PLK2: variants seen among roughly 807,000 people sequenced by gnomAD.
The protein encoded by PLK2 is polo like kinase 2.
PLK2 carries 25 observed loss-of-function variants against 78.1 expected under a neutral mutation model. That is an observed-to-expected ratio of 0.32 (90% confidence interval 0.23 to 0.45). PLK2 has a LOEUF of 0.45. PLK2 is among the 20% of genes least tolerant of loss of function. The probability of loss-of-function intolerance (pLI) is 1.00; values close to 1 mark genes in which losing one functional copy is unlikely to be tolerated. For missense variants in PLK2, 566 were observed against 840.2 expected (o/e 0.67, Z 4.04); for synonymous variants, 332 against 298.2 (o/e 1.11, Z -1.17).
rs1180717034 is a variant in PLK2, at chr5:58,459,849, C to T, written c.111G>A (p.Gln37=). The stretch of plus-strand genomic sequence containing the variant: ...GAGGTGGCTGCGATTCCTCGGGGGG[C>T]TGCGGCGGCCGCTTCTTCTTCGAGT... The part of the protein sequence containing the change: ...GADSKKKRPP[Q]PPEESQPPQS... The change falls in exon 1 of 14, where the codon CAG becomes CAA. Residue 37 remains glutamine, a synonymous_variant. Coordinates refer to ENST00000274289, the MANE Select transcript of PLK2 (RefSeq NM_006622.4). The T allele has an allele frequency of 1.2e-6, 2 of 1,610,166 alleles. No individual in the cohort carries two copies. The highest frequency in any genetic ancestry group is 1.7e-6 in the Non-Finnish European group (2 of 1,179,674).
In PLK2 at chr5:58,454,477, C is replaced by T; in HGVS notation, c.*106G>A. 1 of 801,042 alleles carries T rather than the reference C, an allele frequency of 1.2e-6. No individual in the cohort carries two copies. Among genetic ancestry groups the T allele is most frequent in the South Asian group, 1.8e-5 (1 of 56,400 alleles). 49.6% of individuals were successfully genotyped at this position (801,042 alleles called of 1,614,324 possible). ...GGCCACAGGGGAATTGTTTTCGTACCACCACATGTCCATCTTCTTCAACAT... is the reference window on the plus strand; with the variant it reads ...GGCCACAGGGGAATTGTTTTCGTACTACCACATGTCCATCTTCTTCAACAT... On this transcript the variant is annotated 3_prime_UTR_variant, in exon 14 of 14. Coordinates refer to ENST00000274289, the MANE Select transcript of PLK2 (RefSeq NM_006622.4).
chr5:58,458,248 G>C (rs1238731450), intron 4 of PLK2, 77 bp from the exon 5 acceptor site: 3 of 1,298,498 alleles, frequency 2.3e-6, no homozygotes, highest in Non-Finnish European at 3.3e-6. Context: ...CCACTTTGGA[G>C]CCAGGCAGCC....
chr5:58,458,590 C>G, intron 3 of PLK2, 62 bp from the exon 4 acceptor site: 1 of 1,512,422 alleles, frequency 6.6e-7, no homozygotes, highest in African/African-American at 1.4e-5. Flanking sequence ...CACTGGTTTC[C>G]CTTTGCAGGA....
chr5:58,460,021 C>T lies in PLK2; in HGVS notation c.-62G>A. Reference sequence around the variant, plus strand: ...CCTAGGCGCGGTCACACGTCCGAGCCGGCCGTGGTCCTCGCACCCTTGCCT... The same window carrying T: ...CCTAGGCGCGGTCACACGTCCGAGCTGGCCGTGGTCCTCGCACCCTTGCCT... On this transcript the variant is annotated 5_prime_UTR_variant, in exon 1 of 14. Transcript: ENST00000274289. 6.6e-7 allele frequency: 1 copy of T among 1,521,828 alleles called. No homozygotes were observed. Among genetic ancestry groups the T allele is most frequent in the Non-Finnish European group, 8.8e-7 (1 of 1,136,366 alleles). The allele number at this position is 1,521,828 out of a possible 1,614,324, so 94.3% of individuals were successfully genotyped here.
chr5:58,454,879 TA>T (rs1743555103), intron 13 of PLK2, 31 bp downstream of exon 13: 3 of 1,509,372 alleles, frequency 2.0e-6, no homozygotes, highest in South Asian at 2.3e-5. Flanking sequence ...GTTTAGGACC[TA>T]AACGTGCACT....
At chr5:58,457,861 T>A in intron 5 of PLK2, 1 of 596,908 alleles carries the variant, frequency 1.7e-6, no homozygotes, top group East Asian at 2.8e-5. Context: ...ATTTTATACA[T>A]TTTAAGCCAA....
In PLK2 at chr5:58,456,048, G is replaced by T. The variant is rs1743592952; in HGVS notation, c.1362C>A (p.Gly454=). The change falls in exon 10 of 14, where the codon GGC becomes GGA. Residue 454 remains glycine, a synonymous_variant. Transcript: ENST00000274289. Reference sequence around the variant, plus strand: ...TACATTCACTGCTGCTGCTACAGCTGCCAAGAGTCCCTCTGACTATCATCC... The same window carrying T: ...TACATTCACTGCTGCTGCTACAGCTTCCAAGAGTCCCTCTGACTATCATCC... ...AIRMIVRGTL[G]SCSSSSECLE... is the part of the protein sequence containing the mutation. The T allele has an allele frequency of 6.2e-7, 1 of 1,613,030 alleles. No homozygotes were observed. The highest frequency in any genetic ancestry group is 1.3e-5 in the African/African-American group (1 of 74,956).
In PLK2 at chr5:58,457,366, G is replaced by A. The variant is rs1353114410; in HGVS notation, c.823C>T (p.Leu275=). 1.9e-6 allele frequency: 3 copies of A among 1,611,710 alleles called. No homozygotes were observed. Among genetic ancestry groups the A allele is most frequent in the African/African-American group, 2.7e-5 (2 of 75,006 alleles). Residue 275 remains leucine, a synonymous_variant, in exon 7 of 14, where the codon CTA becomes TTA. Coordinates refer to ENST00000274289, the MANE Select transcript of PLK2 (RefSeq NM_006622.4). Reference sequence around the variant, plus strand: ...GTAGTTTCAAATGGGGGCCTCCCTAGTAACATTGTATACCTGTGTGCAAAG... The same window carrying A: ...GTAGTTTCAAATGGGGGCCTCCCTAATAACATTGTATACCTGTGTGCAAAG... ...ALGCVMYTML[L]GRPPFETTNL...
chr5:58,454,885 T>G, intron 13 of PLK2, 26 bp downstream of exon 13: 1 of 1,505,686 alleles, frequency 6.6e-7, no homozygotes, highest in South Asian at 1.1e-5. Context: ...GACCTAAACG[T>G]GCACTTTCCT....
At position 58,458,965 on chromosome 5, in the gene PLK2, T is replaced by G. The variant is rs768837495; in HGVS notation, c.378+20A>C. On this transcript the variant is annotated intron_variant, in intron 2 of 13. Coordinates refer to ENST00000274289, the MANE Select transcript of PLK2 (RefSeq NM_006622.4). Reference sequence around the variant, plus strand: ...ATCCTTGCACACAAAGAAAATACTTTACTCAAGAGTCATACGCACCTTTTC... The same window carrying G: ...ATCCTTGCACACAAAGAAAATACTTGACTCAAGAGTCATACGCACCTTTTC... 7 of 1,448,254 alleles carry G rather than the reference T, an allele frequency of 4.8e-6. No homozygotes were observed. Among genetic ancestry groups the G allele is most frequent in the Non-Finnish European group, 6.8e-6 (7 of 1,029,750 alleles). 89.7% of individuals were successfully genotyped at this position (1,448,254 alleles called of 1,614,324 possible). A position where few individuals can be genotyped will look rare whatever the true frequency, so the allele number is the denominator to read the frequency against.
chr5:58,454,623 A>G lies in PLK2; in HGVS notation c.2018T>C (p.Met673Thr). 1.2e-6 allele frequency: 2 copies of G among 1,613,964 alleles called. No individual in the cohort carries two copies. Among genetic ancestry groups the G allele is most frequent in the South Asian group, 1.1e-5 (1 of 91,052 alleles). ...SGCSSELKNR[M>T]EYALNMLLQR... ...TAAGAGCATGTTCAGGGCATATTCC[A>G]TTCGATTTTTTAATTCTGATGAACA... Residue 673 changes from methionine (M) to threonine (T), a missense_variant, in exon 14 of 14, where the codon ATG becomes ACG. Physicochemically the swap from Met to Thr is moderately conservative, Grantham distance 81. Coordinates refer to ENST00000274289, the MANE Select transcript of PLK2 (RefSeq NM_006622.4).
Position 58,460,014 on chromosome 5 carries a change from T to TC in PLK2, c.-56dup. 1 of 1,528,402 alleles carries TC rather than the reference T, an allele frequency of 6.5e-7. No homozygotes were observed. The highest frequency in any genetic ancestry group is 8.8e-7 in the Non-Finnish European group (1 of 1,139,284). 94.7% of individuals were successfully genotyped at this position (1,528,402 alleles called of 1,614,324 possible). A position where few individuals can be genotyped will look rare whatever the true frequency, so the allele number is the denominator to read the frequency against. ...GCCACCCCCTAGGCGCGGTCACACG[T>TC]CCGAGCCGGCCGTGGTCCTCGCACC... On this transcript the variant is annotated 5_prime_UTR_variant, in exon 1 of 14. Transcript: ENST00000274289.
At chr5:58,458,658 A>C (rs1743673281) in intron 3 of PLK2, 67 bp downstream of exon 3, 1 of 1,270,316 alleles carries the variant, frequency 7.9e-7, no homozygotes, top group African/African-American at 1.5e-5. Flanking sequence ...ATCCCAGATA[A>C]AATACTCTTT....
At chr5:58,454,878 C>A (rs908483084) in intron 13 of PLK2, 33 bp downstream of exon 13, 2 of 1,506,258 alleles carry the variant, frequency 1.3e-6, no homozygotes, top group South Asian at 1.1e-5. Flanking sequence ...TGTTTAGGAC[C>A]TAAACGTGCA....
At chr5:58,458,238 C>A (rs1373748263) in intron 4 of PLK2, 67 bp from the exon 5 acceptor site, 9 of 1,330,302 alleles carry the variant, frequency 6.8e-6, no homozygotes, top group Non-Finnish European at 1.1e-6. Context: ...ACACACACAT[C>A]CACTTTGGAG....
chr5:58,458,686 G>C (rs760359856), intron 3 of PLK2, 39 bp downstream of exon 3: 1 of 1,272,572 alleles, frequency 7.9e-7, no homozygotes, highest in East Asian at 2.3e-5. Flanking sequence ...ATGTTAATTC[G>C]GGGTAAGCAA....
intron 8 of PLK2, 38 bp downstream of exon 8, chr5:58,456,907 T>G: frequency 1.5e-6 from 2 of 1,345,706 alleles, no homozygotes. Context: ...AAATATAATA[T>G]TGGGTACGAA....
intron 8 of PLK2, 75 bp downstream of exon 8, chr5:58,456,870 T>C: frequency 1.0e-6 from 1 of 975,686 alleles, no homozygotes; most frequent in Non-Finnish European, 1.5e-6. Flanking sequence ...TAATATAAAA[T>C]TCTCTTTTAA....
At position 58,459,887 on chromosome 5, in the gene PLK2, C is replaced by T. The variant is rs1217325840; in HGVS notation, c.73G>A (p.Gly25Ser). ...TKMCEQALGK[G>S]CGADSKKKRP... ...TTCTTCTTCGAGTCCGCTCCGCAAC[C>T]CTTGCCCAGCGCCTGCTCGCACATT... Residue 25 changes from glycine (G) to serine (S), a missense_variant, in exon 1 of 14, where the codon GGT (glycine) becomes AGT (serine). Physicochemically the swap from Gly to Ser is moderately conservative, Grantham distance 56. Coordinates refer to ENST00000274289, the MANE Select transcript of PLK2 (RefSeq NM_006622.4). 2 of 1,611,908 alleles carry T rather than the reference C, an allele frequency of 1.2e-6. No homozygotes were observed. Among genetic ancestry groups the T allele is most frequent in the Non-Finnish European group, 1.7e-6 (2 of 1,179,720 alleles).
Sources: allele counts gnomAD v4.1 joint callset, GRCh38; gene constraint gnomAD v4.1.1; transcripts MANE v1.5; gene names NCBI Gene and HGNC (gene_info 2026-07-23, HGNC 2026-07-21).